Variants in SGMS1 observed in about 807,000 individuals in gnomAD.
SGMS1 encodes sphingomyelin synthase 1.
Under a neutral mutation model 46.2 loss-of-function variants are expected in SGMS1, and 13 were observed. That is an observed-to-expected ratio of 0.28 (90% CI 0.18 to 0.45). The LOEUF (loss-of-function observed/expected upper bound fraction) is 0.45, where lower values mean the gene tolerates loss of function less well. Among genes scored for constraint, SGMS1 ranks in the 20% least tolerant of loss-of-function variants. The pLI, the probability that SGMS1 is intolerant of heterozygous loss-of-function variation, is 1.00. For missense variants in SGMS1, 324 were observed against 519.9 expected, an observed-to-expected ratio of 0.62 and a Z score of 3.66; for synonymous variants, 203 against 187.8, an observed-to-expected ratio of 1.08 and a Z score of -0.66.
At chr10:50,606,176 T>C (rs528825012) in intron 1 of SGMS1, among the ~76,000 whole-genome samples, 20 of 152,232 alleles carry the variant, frequency 1.3e-4, no homozygotes, top group Admixed American at 3.3e-4. Context: ...TTCTGACACA[T>C]GCTACAATAT....
chr10:50,622,083 G>A (rs993786341), intron 1 of SGMS1, among the ~76,000 whole-genome samples: 6 of 152,230 alleles, frequency 3.9e-5, no homozygotes, highest in Admixed American at 6.5e-5. Flanking sequence ...AGCAGGCACA[G>A]GCTGCTGCTT....
intron 6 of SGMS1, among the ~76,000 whole-genome samples, chr10:50,354,784 T>G (rs1454762317): frequency 6.6e-6 from 1 of 152,118 alleles, no homozygotes; most frequent in Non-Finnish European, 1.5e-5. Flanking sequence ...GAGCGAAGGA[T>G]ATGAACAGAC....
chr10:50,571,574 G>GATAATAGAATGA (rs1838336790), intron 2 of SGMS1, among the ~76,000 whole-genome samples: 37 of 152,108 alleles, frequency 2.4e-4, no homozygotes, highest in Admixed American at 2.4e-3. Context: ...GAATAATATA[G>GATAATAGAATGA]TAATATATAA....
chr10:50,618,609 A>G (rs912758007), intron 1 of SGMS1, among the ~76,000 whole-genome samples: 7 of 152,254 alleles, frequency 4.6e-5, no homozygotes, highest in Non-Finnish European at 8.8e-5. Flanking sequence ...AAACATTGGT[A>G]AAACTAGAAA....
chr10:50,371,074 G>A (rs1232663555), intron 6 of SGMS1, among the ~76,000 whole-genome samples: 1 of 152,150 alleles, frequency 6.6e-6, no homozygotes, highest in Non-Finnish European at 1.5e-5. Flanking sequence ...AATTATATAT[G>A]CTATGCTTTT....
intron 2 of SGMS1, among the ~76,000 whole-genome samples, chr10:50,565,937 C>A (rs186887669): frequency 1.8e-4 from 27 of 152,328 alleles, no homozygotes; most frequent in Non-Finnish European, 2.9e-4. Flanking sequence ...ACCACACTTA[C>A]AGTGTCTGAA....
At chr10:50,444,954 A>G (rs557684252) in intron 5 of SGMS1, among the ~76,000 whole-genome samples, 2 of 152,314 alleles carry the variant, frequency 1.3e-5, no homozygotes, top group Admixed American at 1.3e-4. Flanking sequence ...TTCACCATAC[A>G]TGTATCTGAC....
chr10:50,608,891 A>G (rs1221132872), intron 1 of SGMS1, among the ~76,000 whole-genome samples: 1 of 152,232 alleles, frequency 6.6e-6, no homozygotes, highest in Non-Finnish European at 1.5e-5. Flanking sequence ...TATAACCTAC[A>G]CAAATCCTCC....
chr10:50,335,623 A>G (rs1589390600), intron 7 of SGMS1: 1 of 152,218 alleles, frequency 6.6e-6, no homozygotes, highest in Non-Finnish European at 1.5e-5. Context: ...GGCTGGTGGG[A>G]CACAGATGTG....
chr10:50,562,807 G>A (rs1354682048), intron 2 of SGMS1, among the ~76,000 whole-genome samples: 2 of 152,148 alleles, frequency 1.3e-5, no homozygotes, highest in Non-Finnish European at 2.9e-5. Flanking sequence ...GCCTCCCAAA[G>A]TGCTGGGTTT....
At chr10:50,321,452 T>A (rs185053278) in intron 8 of SGMS1, among the ~76,000 whole-genome samples, 8 of 151,722 alleles carry the variant, frequency 5.3e-5, no homozygotes, top group Admixed American at 4.6e-4. Context: ...CTTTAATCAC[T>A]GAAAAAGGAA....
intron 2 of SGMS1, among the ~76,000 whole-genome samples, chr10:50,531,684 C>G (rs1459393187): frequency 6.6e-6 from 1 of 152,196 alleles, no homozygotes; most frequent in Non-Finnish European, 1.5e-5. Context: ...ACGGTCTGAA[C>G]TTCTTCCTCC....
chr10:50,413,489 A>G (rs946601443), intron 6 of SGMS1, among the ~76,000 whole-genome samples: 17 of 152,376 alleles, frequency 1.1e-4, no homozygotes, highest in African/African-American at 4.1e-4. Context: ...ACAGAAATAC[A>G]TACATTGAAC....
intron 7 of SGMS1, among the ~76,000 whole-genome samples, chr10:50,337,489 A>C (rs2133342660): frequency 6.6e-6 from 1 of 152,342 alleles, no homozygotes; most frequent in East Asian, 1.9e-4. Flanking sequence ...AATGCTTTTA[A>C]GAACTTTAAT....
intron 3 of SGMS1, among the ~76,000 whole-genome samples, chr10:50,487,377 G>A (rs1299293346): frequency 6.6e-6 from 1 of 152,160 alleles, no homozygotes; most frequent in Non-Finnish European, 1.5e-5. Context: ...AATAGCTAAT[G>A]CATGCTGGGC....
Position 50,343,876 on chromosome 10 carries a change from T to A in SGMS1, c.239A>T (p.His80Leu). 1 of 1,614,184 alleles carries A rather than the reference T, an allele frequency of 6.2e-7. No homozygotes were observed. Among genetic ancestry groups the A allele is most frequent in the Non-Finnish European group, 8.5e-7 (1 of 1,180,032 alleles). ...EHHLEAHKNG[H>L]ANGHLNIGVD... is the part of the protein sequence containing the mutation. Reference sequence around the variant, plus strand: ...GCCAATGTTGAGGTGCCCATTGGCATGGCCGTTCTTGTGTGCTTCCAAATG... The same window carrying A: ...GCCAATGTTGAGGTGCCCATTGGCAAGGCCGTTCTTGTGTGCTTCCAAATG... Residue 80 changes from histidine (H) to leucine (L), a missense_variant, in exon 7 of 11, where the codon CAT becomes CTT. Physicochemically the swap from His to Leu is moderately conservative, Grantham distance 99 (BLOSUM62 -3). This residue lies in a region of SGMS1 where 150 missense variants were observed against 169.8 expected (regional missense o/e 0.88). Coordinates refer to ENST00000361781, the MANE Select transcript of SGMS1 (RefSeq NM_147156.4).
intron 6 of SGMS1, among the ~76,000 whole-genome samples, chr10:50,376,020 T>C (rs894819309): frequency 6.6e-5 from 10 of 152,152 alleles, no homozygotes; most frequent in African/African-American, 2.4e-4. Flanking sequence ...ACTTTTTTAC[T>C]CTTATAAGTC....
intron 8 of SGMS1, among the ~76,000 whole-genome samples, chr10:50,324,087 C>T (rs1376051990): frequency 6.6e-6 from 1 of 152,166 alleles, no homozygotes; most frequent in Admixed American, 6.5e-5. Context: ...ACTAAGTCCT[C>T]TTCTTACTTC....
At chr10:50,529,097 T>C (rs886641390) in intron 2 of SGMS1, among the ~76,000 whole-genome samples, 6 of 152,234 alleles carry the variant, frequency 3.9e-5, no homozygotes, top group Admixed American at 3.3e-4. Context: ...GGTATGTGTA[T>C]GTGTTTCAGG....
Sources: gnomAD v4.1 joint callset for allele counts (sites outside exome capture counted in the v4.1 genomes callset) on GRCh38, gnomAD v4.1.1 for gene constraint, gnomAD v4.1.1 regional missense constraint, MANE v1.5 for transcripts, NCBI Gene and HGNC (gene_info 2026-07-23, HGNC 2026-07-21) for gene names.